TUSC3: variants seen among roughly 807,000 people sequenced by gnomAD.
The protein encoded by TUSC3 is dolichyl-diphosphooligosaccharide--protein glycosyltransferase subunit TUSC3.
TUSC3 carries 45 observed loss-of-function variants against 44.8 expected under a neutral mutation model. The observed-to-expected ratio is 1.00, with a 90% CI of 0.79 to 1.29. The LOEUF (loss-of-function observed/expected upper bound fraction) is 1.29. Among genes scored for constraint, TUSC3 ranks in the 50% most tolerant of loss-of-function variants. The pLI is 0.00. For synonymous variants in TUSC3, 212 were observed against 152.9 expected (o/e 1.39, Z -2.85); for missense variants, 519 against 437.9 (o/e 1.19, Z -1.65).
At chr8:15,429,379 A>C (rs1430600537) in intron 1 of TUSC3, among the ~76,000 whole-genome samples, 1 of 150,712 alleles carries the variant, frequency 6.6e-6, no homozygotes, top group African/African-American at 2.5e-5. Flanking sequence ...GTAGCCTTGT[A>C]GTATAGTTTG....
At chr8:15,570,302 A>ACACACACACACT (rs1491248159) in intron 1 of TUSC3, among the ~76,000 whole-genome samples, 1 of 142,358 alleles carries the variant, frequency 7.0e-6, no homozygotes, top group Non-Finnish European at 1.6e-5. Context: ...ACACACACAC[A>ACACACACACACT]CTCTTACTGA....
intron 7 of TUSC3, among the ~76,000 whole-genome samples, chr8:15,733,810 C>G (rs1269371295): frequency 6.6e-6 from 1 of 152,172 alleles, no homozygotes; most frequent in East Asian, 1.9e-4. Context: ...CCAGCACTTT[C>G]ACAGGCTGAT....
chr8:15,515,216 C>G (rs1047083430), intron 2 of TUSC3, among the ~76,000 whole-genome samples: 2 of 151,986 alleles, frequency 1.3e-5, no homozygotes, highest in Non-Finnish European at 1.5e-5. Flanking sequence ...ATGAGCTTGT[C>G]GCTTTCTACT....
At chr8:15,779,205 C>T in the TUSC3 span, among the ~76,000 whole-genome samples, 5 of 151,276 alleles carry the variant, frequency 3.3e-5, no homozygotes, top group Admixed American at 2.6e-4. Flanking sequence ...CGGGGAAACC[C>T]CATGTATCTC....
chr8:15,432,728 A>G (rs1267424173), intron 1 of TUSC3, among the ~76,000 whole-genome samples: 2 of 152,090 alleles, frequency 1.3e-5, no homozygotes, highest in African/African-American at 4.8e-5. Context: ...CTTAATGTGC[A>G]TCTCGGATCC....
chr8:15,573,586 G>A (rs553510479), intron 1 of TUSC3, among the ~76,000 whole-genome samples: 4 of 151,954 alleles, frequency 2.6e-5, no homozygotes, highest in Admixed American at 6.6e-5. Flanking sequence ...AGAGGGAGCC[G>A]CTGGTGGATG....
intron 5 of TUSC3, among the ~76,000 whole-genome samples, chr8:15,666,782 C>A (rs1009097487): frequency 2.0e-5 from 3 of 151,254 alleles, no homozygotes; most frequent in Non-Finnish European, 4.4e-5. Context: ...CAGTTCTGCT[C>A]ATCAGGCAAC....
At chr8:15,654,721 C>T (rs548851972) in intron 3 of TUSC3, among the ~76,000 whole-genome samples, 16 of 152,126 alleles carry the variant, frequency 1.1e-4, no homozygotes, top group African/African-American at 3.9e-4. Context: ...TGCTTGAACC[C>T]AGGATATTGA....
intron 1 of TUSC3, among the ~76,000 whole-genome samples, chr8:15,476,083 G>A (rs116187833): frequency 0.011 from 1,624 of 152,210 alleles, 33 homozygotes; most frequent in African/African-American, 0.037. Context: ...TGAATAACGT[G>A]AACTTTTTTA....
intron 1 of TUSC3, among the ~76,000 whole-genome samples, chr8:15,456,469 G>A (rs1055487154): frequency 3.3e-5 from 5 of 152,110 alleles, no homozygotes; most frequent in African/African-American, 1.2e-4. Flanking sequence ...CACTATGGAA[G>A]AATAAGAAAA....
chr8:15,848,953 C>G, the TUSC3 span, among the ~76,000 whole-genome samples: 1 of 152,078 alleles, frequency 6.6e-6, no homozygotes, highest in Non-Finnish European at 1.5e-5. Context: ...ACTTCTTTAC[C>G]TCAATGGAAA....
In TUSC3 at chr8:15,757,934, C is replaced by G. The variant is rs933047155; in HGVS notation, c.*46+79C>G. The G allele has an allele frequency of 6.1e-6, 9 of 1,486,836 alleles. No homozygotes were observed. In the African/African-American group the frequency reaches 1.3e-4, roughly 21 times the overall value. The allele number at this position is 1,486,836 out of a possible 1,614,324, so 92.1% of individuals were successfully genotyped here. A position where few individuals can be genotyped will look rare whatever the true frequency, so the allele number is the denominator to read the frequency against. On this transcript the variant is annotated intron_variant, in intron 10 of 10. Coordinates refer to ENST00000503731, the MANE Select transcript of TUSC3 (RefSeq NM_006765.4). ...AGAGTATAACATTTATCTCATAAGA[C>G]AAGTTGTAGTAAATTACTGTTTTAC...
intron 4 of TUSC3, 43 bp from the exon 5 acceptor site, chr8:15,662,113 T>G: frequency 6.3e-7 from 1 of 1,595,182 alleles, no homozygotes; most frequent in Non-Finnish European, 8.6e-7. Context: ...AAGAAAAATT[T>G]TATTTTTCTT....
chr8:15,790,567 A>T, the TUSC3 span, among the ~76,000 whole-genome samples: 18 of 152,196 alleles, frequency 1.2e-4, no homozygotes, highest in Admixed American at 1.2e-3. Context: ...GGTTGCCGTC[A>T]GTGCCACCTA....
At chr8:15,786,568 G>C in the TUSC3 span, among the ~76,000 whole-genome samples, 1 of 152,082 alleles carries the variant, frequency 6.6e-6, no homozygotes, top group Admixed American at 6.5e-5. Context: ...AAGATTGCCT[G>C]GTGCATTTCT....
At chr8:15,785,262 G>A in the TUSC3 span, among the ~76,000 whole-genome samples, 7 of 151,284 alleles carry the variant, frequency 4.6e-5, no homozygotes, top group African/African-American at 1.7e-4. Flanking sequence ...GAAAGAAACT[G>A]TAAATTAAGA....
chr8:15,686,835 G>A (rs987530564), intron 6 of TUSC3, among the ~76,000 whole-genome samples: 1 of 151,766 alleles, frequency 6.6e-6, no homozygotes, highest in Non-Finnish European at 1.5e-5. Context: ...TTAGGAGGCC[G>A]AGTTTGGCGG....
chr8:15,640,721 A>G (rs1175192067), intron 2 of TUSC3, among the ~76,000 whole-genome samples: 1 of 152,094 alleles, frequency 6.6e-6, no homozygotes. Flanking sequence ...TTTTGAACCA[A>G]TTTTTATTGA....
chr8:15,756,190 T>G (rs575015660), intron 9 of TUSC3, among the ~76,000 whole-genome samples: 47 of 152,304 alleles, frequency 3.1e-4, no homozygotes, highest in Non-Finnish European at 5.0e-4. Flanking sequence ...GGTTTGAATT[T>G]TGGTTCCTCT....
Sources: gnomAD v4.1 joint callset for allele counts (sites outside exome capture counted in the v4.1 genomes callset) on GRCh38, gnomAD v4.1.1 for gene constraint, MANE v1.5 for transcripts, NCBI Gene and HGNC (gene_info 2026-07-23, HGNC 2026-07-21) for gene names.